The following XYLB variants were observed in gnomAD, a reference collection of about 807,000 sequenced individuals.
XYLB encodes the protein xylulokinase, also known as xylulose kinase.
XYLB carries 62 observed loss-of-function variants against 78.7 expected under a neutral mutation model. That is an observed-to-expected ratio of 0.79 (90% CI 0.64 to 0.97). The LOEUF is 0.97. XYLB is among the 50% of genes least tolerant of loss of function. The pLI is 0.00. For missense variants in XYLB, 687 were observed against 676.8 expected, an observed-to-expected ratio of 1.02 and a Z score of -0.17; for synonymous variants, 245 against 247.4, an observed-to-expected ratio of 0.99 and a Z score of 0.09.
chr3:38,405,659 G>A (rs1708287959), intron 18 of XYLB, among the ~76,000 whole-genome samples: 1 of 152,240 alleles, frequency 6.6e-6, no homozygotes, highest in Non-Finnish European at 1.5e-5. Flanking sequence ...ATGGCACCTG[G>A]AAAATCGGGT....
chr3:38,363,137 A>G (rs1464189580), intron 4 of XYLB, 120 bp downstream of exon 4: 12 of 676,050 alleles, frequency 1.8e-5, no homozygotes, highest in Admixed American at 3.9e-5. Context: ...GCCACTGCAC[A>G]AATTTCACTG....
At chr3:38,401,101 T>C (rs939165088) in intron 18 of XYLB, 116 bp downstream of exon 18, 1 of 857,352 alleles carries the variant, frequency 1.2e-6, no homozygotes, top group Non-Finnish European at 1.9e-6. Context: ...AAAGGAGAAA[T>C]TCTGCTTTAT....
chr3:38,432,993 C>T, the XYLB span, among the ~76,000 whole-genome samples: 15 of 152,270 alleles, frequency 9.9e-5, no homozygotes, highest in African/African-American at 3.4e-4. Context: ...TCCAACCCCA[C>T]GTTTCCCTTC....
At chr3:38,431,211 G>T in the XYLB span, among the ~76,000 whole-genome samples, 3 of 152,250 alleles carry the variant, frequency 2.0e-5, no homozygotes, top group Non-Finnish European at 2.9e-5. Context: ...CCATTTGTTT[G>T]TATCCTCTTT....
At chr3:38,375,372 C>G (rs1215382694) in intron 12 of XYLB, 113 bp downstream of exon 12, 1 of 913,458 alleles carries the variant, frequency 1.1e-6, no homozygotes, top group Non-Finnish European at 1.7e-6. Flanking sequence ...ACTCCCTCCA[C>G]TTTCCCGGGC....
At chr3:38,409,480 A>T (rs141106723) in intron 18 of XYLB, among the ~76,000 whole-genome samples, 3,649 of 152,330 alleles carry the variant, frequency 0.024, 149 homozygotes, top group East Asian at 0.16. Context: ...CTGGCACAAG[A>T]CAGGGATGCC....
chr3:38,385,925 G>A (rs1244217904), intron 15 of XYLB, among the ~76,000 whole-genome samples: 1 of 152,128 alleles, frequency 6.6e-6, no homozygotes, highest in African/African-American at 2.4e-5. Context: ...TCAGTGGGCT[G>A]AGCTGGGAAA....
chr3:38,388,923 AAAT>A (rs778591497), intron 15 of XYLB, among the ~76,000 whole-genome samples: 90 of 152,244 alleles, frequency 5.9e-4, no homozygotes, highest in Middle Eastern at 6.8e-3. Context: ...TAAAGAATTA[AAAT>A]AATAAAGATT....
At chr3:38,368,094 A>G (rs2125587027) in intron 7 of XYLB, 91 bp from the exon 8 acceptor site, 1 of 1,281,316 alleles carries the variant, frequency 7.8e-7, no homozygotes, top group African/African-American at 1.5e-5. Context: ...TCCCTCTCCA[A>G]TTTTTTTTCA....
chr3:38,384,473 C>T (rs115644521), intron 15 of XYLB, among the ~76,000 whole-genome samples: 2 of 152,206 alleles, frequency 1.3e-5, no homozygotes, highest in African/African-American at 2.4e-5. Context: ...ACTGTCTTCA[C>T]GGCCAGCGAT....
At chr3:38,439,698 C>A in the XYLB span, among the ~76,000 whole-genome samples, 4 of 151,050 alleles carry the variant, frequency 2.6e-5, no homozygotes, top group African/African-American at 4.9e-5. Flanking sequence ...GGAGGTGGAG[C>A]TTGCAGTGAG....
chr3:38,396,960 T>G (rs1707896591), intron 16 of XYLB, 112 bp from the exon 17 acceptor site: 1 of 1,043,980 alleles, frequency 9.6e-7, no homozygotes, highest in Admixed American at 1.8e-5. Context: ...CGAGGTGGAA[T>G]GGAAGGGGTC....
chr3:38,418,068 G>A (rs1403121929), downstream of XYLB, among the ~76,000 whole-genome samples: 1 of 151,058 alleles, frequency 6.6e-6, no homozygotes, highest in Non-Finnish European at 1.5e-5. Flanking sequence ...GGTAGCAGAC[G>A]CCTGTAATCC....
intron 17 of XYLB, among the ~76,000 whole-genome samples, chr3:38,397,717 C>T (rs1707936106): frequency 6.6e-6 from 1 of 152,074 alleles, no homozygotes; most frequent in Admixed American, 6.5e-5. Context: ...GATCAATTTG[C>T]TCTGTCTCCT....
chr3:38,429,748 T>A, the XYLB span, among the ~76,000 whole-genome samples: 307 of 152,258 alleles, frequency 2.0e-3, 1 homozygote, highest in African/African-American at 6.8e-3. Context: ...GATGTTCCCC[T>A]CCCTGTGTCC....
intron 15 of XYLB, among the ~76,000 whole-genome samples, chr3:38,384,970 A>AT (rs1318996150): frequency 6.6e-6 from 1 of 152,108 alleles, no homozygotes; most frequent in African/African-American, 2.4e-5. Context: ...GTTGAAGGAC[A>AT]TTAAGATTAT....
At chr3:38,347,867 C>G (rs114500710) in intron 1 of XYLB, among the ~76,000 whole-genome samples, 1,721 of 152,258 alleles carry the variant, frequency 0.011, 34 homozygotes, top group African/African-American at 0.038. Context: ...CATGGGGTGA[C>G]CGGGGGCACC....
the XYLB span, among the ~76,000 whole-genome samples, chr3:38,450,207 G>A: frequency 6.6e-6 from 1 of 152,200 alleles, no homozygotes; most frequent in East Asian, 1.9e-4. Context: ...CTCAGAAACT[G>A]AGAGAGGGTG....
the XYLB span, among the ~76,000 whole-genome samples, chr3:38,449,370 C>T: frequency 6.6e-6 from 1 of 152,190 alleles, no homozygotes; most frequent in Non-Finnish European, 1.5e-5. Flanking sequence ...ATCCACCTGC[C>T]TTGGCCTCCC....
Sources: gnomAD v4.1 joint callset for allele counts (sites outside exome capture counted in the v4.1 genomes callset) on GRCh38, gnomAD v4.1.1 for gene constraint, MANE v1.5 for transcripts, NCBI Gene and HGNC (gene_info 2026-07-23, HGNC 2026-07-21) for gene names.